KLF12: variants seen among roughly 807,000 people sequenced by gnomAD.
KLF12 encodes the protein Krueppel-like factor 12.
In KLF12, 9 loss-of-function variants were observed where a neutral mutation model predicts 37.8. The ratio of observed to expected loss-of-function variants is 0.24; its 90% CI spans 0.14 to 0.42. The LOEUF is 0.42. Ranked by LOEUF, KLF12 falls within the 10% of genes least tolerant of loss-of-function variation. KLF12 has a pLI of 1.00. For synonymous variants in KLF12, 208 were observed against 202.1 expected (o/e 1.03, Z -0.25); for missense variants, 411 against 516.0 (o/e 0.80, Z 1.97).
At chr13:74,228,027 G>T in the KLF12 span, among the ~76,000 whole-genome samples, 1 of 152,052 alleles carries the variant, frequency 6.6e-6, no homozygotes, top group Non-Finnish European at 1.5e-5. Flanking sequence ...TCTTGTGTTT[G>T]GGAGAAAGAA....
chr13:73,960,041 G>A (rs975675008), intron 2 of KLF12, among the ~76,000 whole-genome samples: 8 of 152,046 alleles, frequency 5.3e-5, no homozygotes, highest in African/African-American at 1.9e-4. Context: ...CAGGCATCCT[G>A]GAAAAATAAC....
intron 1 of KLF12, among the ~76,000 whole-genome samples, chr13:74,052,377 AAAAT>A (rs1872980327): frequency 6.6e-6 from 1 of 152,164 alleles, no homozygotes; most frequent in Non-Finnish European, 1.5e-5. Flanking sequence ...ATTACATTTT[AAAAT>A]AATTGTTGGA....
chr13:74,050,408 T>C (rs1872833014), intron 1 of KLF12, among the ~76,000 whole-genome samples: 1 of 151,714 alleles, frequency 6.6e-6, no homozygotes, highest in Non-Finnish European at 1.5e-5. Context: ...AAGAAGAGAG[T>C]ACACAAAGAA....
At chr13:73,909,250 A>G (rs1361533089) in intron 3 of KLF12, among the ~76,000 whole-genome samples, 6 of 152,216 alleles carry the variant, frequency 3.9e-5, no homozygotes, top group African/African-American at 1.4e-4. Context: ...CCATACTACC[A>G]GTGGCCGAGC....
chr13:74,072,364 AATATATATATATATATATATATATATAT>A lies in KLF12; in HGVS notation c.-32+61347_-32+61374del, dbSNP rs773653636. 3.8e-4 allele frequency among the ~76,000 whole-genome samples: 24 copies of A among 63,066 alleles called. 1 individual carries two copies. The highest frequency in any genetic ancestry group is 1.0e-3 in the Admixed American group (5 of 4,838). The allele number at this position is 63,066 out of a possible 152,430, so 41.4% of individuals were successfully genotyped here. A position where few individuals can be genotyped will look rare whatever the true frequency, so the allele number is the denominator to read the frequency against. On this transcript the variant is annotated intron_variant, in intron 1 of 7. Coordinates refer to ENST00000377669, the MANE Select transcript of KLF12 (RefSeq NM_007249.5). Reference sequence around the variant, plus strand: ...ATCTTTTTAAGAATTAAGAAATACAAATATATATATATATATATATATATATATATATATATATATATAAAAGATTATC... The same window carrying A: ...ATCTTTTTAAGAATTAAGAAATACAAATATATATATATATAAAAGATTATC...
intron 7 of KLF12, among the ~76,000 whole-genome samples, chr13:73,707,141 A>C (rs1875012722): frequency 6.6e-6 from 1 of 152,218 alleles, no homozygotes; most frequent in African/African-American, 2.4e-5. Context: ...GTCTGAGACC[A>C]GATATAAGGA....
intron 2 of KLF12, among the ~76,000 whole-genome samples, chr13:73,967,141 T>C (rs1891191472): frequency 6.6e-6 from 1 of 152,214 alleles, no homozygotes; most frequent in African/African-American, 2.4e-5. Context: ...TAAATGCATC[T>C]TTGACTTGGG....
Position 73,942,217 on chromosome 13 carries a change from C to G in KLF12, c.123+1764G>C, listed in dbSNP as rs529138648. 1.6e-3 allele frequency among the ~76,000 whole-genome samples: 239 copies of G among 152,294 alleles called. 1 individual carries two copies. Among genetic ancestry groups the G allele is most frequent in the Non-Finnish European group, 2.5e-3 (173 of 68,024 alleles). On this transcript the variant is annotated intron_variant, in intron 3 of 7. Coordinates refer to ENST00000377669, the MANE Select transcript of KLF12 (RefSeq NM_007249.5). ...CACGATCCTGGCTTTGACCATTGGT[C>G]TGGGGCTAAGTTTCTGACTGGTTTG... is the stretch of plus-strand genomic sequence containing the variant.
At chr13:73,967,251 C>T (rs1386578185) in intron 2 of KLF12, among the ~76,000 whole-genome samples, 3 of 152,138 alleles carry the variant, frequency 2.0e-5, no homozygotes, top group African/African-American at 4.8e-5. Context: ...TAGGTTTGCA[C>T]CAGTTACCAA....
At chr13:73,866,887 G>C (rs9543478) in intron 3 of KLF12, among the ~76,000 whole-genome samples, 85,747 of 139,644 alleles carry the variant, frequency 0.61, 26,482 homozygotes, top group Middle Eastern at 0.74. Flanking sequence ...GGGCAAAAAG[G>C]GGGGGGGGAA....
In KLF12 at chr13:74,020,717, C is replaced by T. The variant is rs143760000; in HGVS notation, c.-31-25664G>A. ...CATTCTGGCTAACACAGTGAAACCCCGTTTCTACTAAAAACACAAAAAAAT... is the reference window on the plus strand; with the variant it reads ...CATTCTGGCTAACACAGTGAAACCCTGTTTCTACTAAAAACACAAAAAAAT... On this transcript the variant is annotated intron_variant, in intron 1 of 7. Coordinates refer to ENST00000377669, the MANE Select transcript of KLF12 (RefSeq NM_007249.5). 6.0e-4 allele frequency among the ~76,000 whole-genome samples: 92 copies of T among 152,148 alleles called. 2 individuals are homozygous for T. The East Asian group carries it at 0.017, about 28-fold the overall frequency.
intron 1 of KLF12, among the ~76,000 whole-genome samples, chr13:74,057,957 T>C (rs1873339447): frequency 1.3e-5 from 2 of 151,520 alleles, no homozygotes; most frequent in Admixed American, 1.3e-4. Flanking sequence ...AGCCACTTTA[T>C]AGCTATGTAA....
intron 6 of KLF12, among the ~76,000 whole-genome samples, chr13:73,720,063 C>T (rs554498882): frequency 2.0e-5 from 3 of 152,102 alleles, no homozygotes; most frequent in Admixed American, 6.5e-5. Context: ...GGGAGGCCAC[C>T]GATAAATGTG....
intron 5 of KLF12, among the ~76,000 whole-genome samples, chr13:73,792,639 C>T (rs1011716972): frequency 2.0e-5 from 3 of 152,108 alleles, no homozygotes; most frequent in African/African-American, 7.2e-5. Context: ...ATATCATGAT[C>T]TGTATGAAGG....
At chr13:74,297,397 G>A in the KLF12 span, among the ~76,000 whole-genome samples, 1 of 152,154 alleles carries the variant, frequency 6.6e-6, no homozygotes, top group African/African-American at 2.4e-5. Context: ...CCTTTAATAT[G>A]TCACTGTGTA....
the KLF12 span, among the ~76,000 whole-genome samples, chr13:74,280,540 TA>T: frequency 1.3e-5 from 2 of 152,194 alleles, no homozygotes; most frequent in Non-Finnish European, 2.9e-5. Context: ...ACTTTGTCAG[TA>T]GTCAGGGAGG....
chr13:74,198,559 C>T, the KLF12 span, among the ~76,000 whole-genome samples: 1 of 152,178 alleles, frequency 6.6e-6, no homozygotes, highest in South Asian at 2.1e-4. Flanking sequence ...AAAGCAATTT[C>T]ATAGACTAGT....
At chr13:73,767,375 T>G (rs1428050099) in intron 5 of KLF12, among the ~76,000 whole-genome samples, 1 of 152,214 alleles carries the variant, frequency 6.6e-6, no homozygotes, top group Non-Finnish European at 1.5e-5. Flanking sequence ...GCAGGGAATG[T>G]TCATTATTCT....
chr13:73,773,616 C>A (rs1175118176), intron 5 of KLF12, among the ~76,000 whole-genome samples: 3 of 152,068 alleles, frequency 2.0e-5, no homozygotes, highest in Non-Finnish European at 4.4e-5. Flanking sequence ...CTATTTTAAC[C>A]CATTCCTCTT....
Sources: gnomAD v4.1 joint callset for allele counts (sites outside exome capture counted in the v4.1 genomes callset) on GRCh38, gnomAD v4.1.1 for gene constraint, MANE v1.5 for transcripts, NCBI Gene and HGNC (gene_info 2026-07-23, HGNC 2026-07-21) for gene names.